SLCO1C1: variants seen among roughly 807,000 people sequenced by gnomAD.
The protein encoded by SLCO1C1 is solute carrier organic anion transporter family member 1C1.
Under a neutral mutation model 76.4 loss-of-function variants are expected in SLCO1C1, and 70 were observed. That is an observed-to-expected ratio of 0.92 (90% confidence interval 0.76 to 1.12). The LOEUF is 1.12. SLCO1C1 is among the 50% of genes most tolerant of loss of function. The probability of loss-of-function intolerance (pLI) is 0.00; values close to 1 mark genes in which losing one functional copy is unlikely to be tolerated. For synonymous variants in SLCO1C1, 306 were observed against 286.1 expected, an observed-to-expected ratio of 1.07 and a Z score of -0.70; for missense variants, 912 against 823.8, an observed-to-expected ratio of 1.11 and a Z score of -1.31.
intron 13 of SLCO1C1, among the ~76,000 whole-genome samples, chr12:20,745,589 C>G (rs1228985864): frequency 6.6e-6 from 1 of 152,052 alleles, no homozygotes; most frequent in East Asian, 1.9e-4. Context: ...CTTTGAGAGG[C>G]CGAGGCAGGT....
At chr12:20,711,821 T>C (rs540669522) in intron 5 of SLCO1C1, among the ~76,000 whole-genome samples, 1 of 152,350 alleles carries the variant, frequency 6.6e-6, no homozygotes, top group Admixed American at 6.5e-5. Context: ...CAACTCTCAA[T>C]CCATTGCTCA....
intron 9 of SLCO1C1, among the ~76,000 whole-genome samples, chr12:20,729,332 A>G (rs543916982): frequency 7.8e-4 from 119 of 152,314 alleles, no homozygotes; most frequent in African/African-American, 2.7e-3. Flanking sequence ...ATCTTGAAAT[A>G]GGAGAGTAAG....
At chr12:20,704,759 T>C (rs1406516634) in intron 3 of SLCO1C1, among the ~76,000 whole-genome samples, 6 of 151,848 alleles carry the variant, frequency 4.0e-5, no homozygotes, top group African/African-American at 1.4e-4. Flanking sequence ...TGCTCAAAAA[T>C]TGGAAATGAG....
At chr12:20,705,251 C>G (rs1946717219) in intron 3 of SLCO1C1, among the ~76,000 whole-genome samples, 1 of 151,854 alleles carries the variant, frequency 6.6e-6, no homozygotes, top group Non-Finnish European at 1.5e-5. Flanking sequence ...TATTTTTAAA[C>G]CATTTTTCAC....
chr12:20,751,443 T>C (rs955809840), intron 14 of SLCO1C1, among the ~76,000 whole-genome samples: 5 of 152,040 alleles, frequency 3.3e-5, no homozygotes, highest in Middle Eastern at 3.4e-3. Context: ...GCAAGAAAGA[T>C]TGTTTAAAAG....
intron 1 of SLCO1C1, among the ~76,000 whole-genome samples, chr12:20,697,657 A>G (rs1946329202): frequency 6.6e-6 from 1 of 152,072 alleles, no homozygotes; most frequent in South Asian, 2.1e-4. Flanking sequence ...ATGTAATGAA[A>G]TTCTATTTTT....
Position 20,715,265 on chromosome 12 carries a change from A to G in SLCO1C1, c.656A>G (p.Asp219Gly). 6.2e-7 allele frequency: 1 copy of G among 1,614,070 alleles called. No homozygotes were observed. The highest frequency in any genetic ancestry group is 8.5e-7 in the Non-Finnish European group (1 of 1,179,936). The change falls in exon 6 of 15, where the codon GAC becomes GGC. Residue 219 changes from aspartate to glycine, a missense_variant. Physicochemically the swap from Asp to Gly is moderately conservative, Grantham distance 94. Coordinates refer to ENST00000266509, the MANE Select transcript of SLCO1C1 (RefSeq NM_017435.5). ...IAYLDDFASE[D>G]NAAFYIGCVQ... ...TACCTGGATGATTTTGCCAGTGAAG[A>G]CAATGCAGCTTTCTATATTGGTAAT...
chr12:20,721,345 A>G (rs993271684), intron 7 of SLCO1C1, among the ~76,000 whole-genome samples: 14 of 152,180 alleles, frequency 9.2e-5, no homozygotes, highest in Admixed American at 3.3e-4. Context: ...TCAACCTCCA[A>G]CAACCACTGC....
Position 20,721,931 on chromosome 12 carries a change from A to T in SLCO1C1, c.903A>T (p.Arg301Ser). The change falls in exon 8 of 15, where the codon AGA (arginine) becomes AGT (serine). Residue 301 changes from arginine (R) to serine (S), a missense_variant. Physicochemically the swap from Arg to Ser is moderately radical, Grantham distance 110. Transcript: ENST00000266509. Reference sequence around the variant, plus strand: ...GGTATTTACCAAAGAGTTTACCAAGATCCCAAAGTAGAGAGGATTCTAATT... The same window carrying T: ...GGTATTTACCAAAGAGTTTACCAAGTTCCCAAAGTAGAGAGGATTCTAATT... Reference protein sequence around the residue: ...PFWYLPKSLPRSQSREDSNSS... With the variant: ...PFWYLPKSLPSSQSREDSNSS... 1 of 1,614,148 alleles carries T rather than the reference A, an allele frequency of 6.2e-7. No homozygotes were observed. Among genetic ancestry groups the T allele is most frequent in the Non-Finnish European group, 8.5e-7 (1 of 1,180,012 alleles).
intron 13 of SLCO1C1, among the ~76,000 whole-genome samples, chr12:20,746,914 T>G (rs1949074131): frequency 6.6e-6 from 1 of 152,006 alleles, no homozygotes. Flanking sequence ...GTTTGGATCC[T>G]TATAAAAACA....
chr12:20,728,444 C>A (rs1948126527), intron 9 of SLCO1C1, among the ~76,000 whole-genome samples: 1 of 151,806 alleles, frequency 6.6e-6, no homozygotes, highest in African/African-American at 2.4e-5. Context: ...TGCATAATTT[C>A]TCAGAATGCT....
chr12:20,699,727 T>C (rs753661744), intron 2 of SLCO1C1, 22 bp downstream of exon 2: 10 of 1,597,720 alleles, frequency 6.3e-6, no homozygotes, highest in Admixed American at 1.8e-5. Context: ...AAGAAGTAAA[T>C]AGTGTTGATG....
At position 20,723,253 on chromosome 12, in the gene SLCO1C1, C is replaced by T. The variant is rs766093648; in HGVS notation, c.1185C>T (p.Ile395=). 18 of 1,613,260 alleles carry T rather than the reference C, an allele frequency of 1.1e-5. No individual in the cohort carries two copies. The highest frequency in any genetic ancestry group is 1.1e-4 in the African/African-American group (8 of 74,866). ...GQSSSRANFV[I]GLINIPAVAL... ...CATCCTCCAGGGCCAACTTTGTGAT[C>T]GGTATGCTCATCTGCCTTTCATGCT... is the stretch of plus-strand genomic sequence containing the variant. Residue 395 remains isoleucine, a splice_region_variant and synonymous_variant, in exon 9 of 15, where the codon ATC becomes ATT. Transcript: ENST00000266509.
intron 7 of SLCO1C1, among the ~76,000 whole-genome samples, chr12:20,718,169 G>C (rs1947475918): frequency 6.6e-6 from 1 of 152,150 alleles, no homozygotes; most frequent in Admixed American, 6.5e-5. Flanking sequence ...TTAGAGACAA[G>C]AAAGTATAGA....
At chr12:20,698,850 G>C (rs1946387081) in intron 1 of SLCO1C1, among the ~76,000 whole-genome samples, 4 of 152,060 alleles carry the variant, frequency 2.6e-5, no homozygotes, top group Admixed American at 1.3e-4. Context: ...TGTGAACAGG[G>C]AGAAAATAGG....
chr12:20,699,655 A>G lies in SLCO1C1; in HGVS notation c.79A>G (p.Thr27Ala), dbSNP rs777175542. The change falls in exon 2 of 15, where the codon ACA becomes GCA. Residue 27 changes from threonine (T) to alanine (A), a missense_variant. Coordinates refer to ENST00000266509, the MANE Select transcript of SLCO1C1 (RefSeq NM_017435.5). The stretch of plus-strand genomic sequence containing the variant: ...ACCTGTTGGAAGGCCTTCTTTTAAA[A>G]CAGAATATCCCTCCTCAGAAGAAAA... ...VQPVGRPSFKTEYPSSEEKQP... is the reference protein window; with the variant it reads ...VQPVGRPSFKAEYPSSEEKQP... The G allele has an allele frequency of 1.9e-6, 3 of 1,612,406 alleles. No individual in the cohort carries two copies. The highest frequency in any genetic ancestry group is 2.2e-5 in the South Asian group (2 of 90,992).
chr12:20,729,069 C>T (rs889505753), intron 9 of SLCO1C1, among the ~76,000 whole-genome samples: 3 of 152,092 alleles, frequency 2.0e-5, no homozygotes, highest in African/African-American at 7.2e-5. Context: ...TTTAGATCAA[C>T]ACATTTTATG....
intron 11 of SLCO1C1, among the ~76,000 whole-genome samples, chr12:20,737,642 T>C (rs1283971193): frequency 1.3e-5 from 2 of 152,126 alleles, no homozygotes. Flanking sequence ...TTGGAGGTTT[T>C]AGGGAATGAA....
At chr12:20,751,958 G>A (rs1243104306) in intron 14 of SLCO1C1, among the ~76,000 whole-genome samples, 2 of 152,108 alleles carry the variant, frequency 1.3e-5, no homozygotes, top group Non-Finnish European at 2.9e-5. Context: ...GGGTACTTTT[G>A]AGTGTGAAAA....
Sources: allele counts gnomAD v4.1 joint callset (sites outside exome capture counted in the v4.1 genomes callset), GRCh38; gene constraint gnomAD v4.1.1; transcripts MANE v1.5; gene names NCBI Gene and HGNC (gene_info 2026-07-23, HGNC 2026-07-21).